The following GUCY1A2 variants were observed in gnomAD, a reference collection of about 807,000 sequenced individuals.
GUCY1A2 encodes the protein guanylate cyclase 1 soluble subunit alpha 2.
A neutral mutation model predicts 63.5 loss-of-function variants in GUCY1A2; 27 were observed. The observed-to-expected ratio is 0.43, with a 90% CI of 0.31 to 0.59. The LOEUF (loss-of-function observed/expected upper bound fraction) is 0.59. Ranked by LOEUF, GUCY1A2 falls within the 20% of genes least tolerant of loss-of-function variation. The pLI is 0.11. For synonymous variants in GUCY1A2, 364 were observed against 343.5 expected, an observed-to-expected ratio of 1.06 and a Z score of -0.66; for missense variants, 768 against 913.3, an observed-to-expected ratio of 0.84 and a Z score of 2.05.
chr11:106,776,300 C>G, intron 6 of GUCY1A2, 139 bp downstream of exon 6: 1 of 630,638 alleles, frequency 1.6e-6, no homozygotes, highest in Non-Finnish European at 2.8e-6. Flanking sequence ...TGAGTTATCT[C>G]TAGTCACTCC....
At chr11:106,841,050 C>T (rs537295652) in intron 4 of GUCY1A2, among the ~76,000 whole-genome samples, 2 of 151,834 alleles carry the variant, frequency 1.3e-5, no homozygotes, top group South Asian at 4.1e-4. Flanking sequence ...GGATAAAGGA[C>T]AATACCACAC....
At chr11:106,771,471 G>C (rs892974148) in intron 6 of GUCY1A2, among the ~76,000 whole-genome samples, 4 of 152,148 alleles carry the variant, frequency 2.6e-5, no homozygotes, top group Non-Finnish European at 2.9e-5. Flanking sequence ...ATTCAGTCCT[G>C]GCATGGTGGC....
At chr11:106,758,468 A>G (rs1864011169) in intron 6 of GUCY1A2, among the ~76,000 whole-genome samples, 1 of 152,176 alleles carries the variant, frequency 6.6e-6, no homozygotes, top group Non-Finnish European at 1.5e-5. Context: ...AAGCAACGCC[A>G]CACACTGCCC....
intron 3 of GUCY1A2, among the ~76,000 whole-genome samples, chr11:106,969,245 T>G (rs778930588): frequency 6.6e-6 from 1 of 152,136 alleles, no homozygotes; most frequent in Non-Finnish European, 1.5e-5. Flanking sequence ...TAAAATTGAC[T>G]GAAGAACCGA....
At chr11:106,987,406 T>C (rs918607372) in intron 1 of GUCY1A2, among the ~76,000 whole-genome samples, 6 of 152,184 alleles carry the variant, frequency 3.9e-5, no homozygotes, top group Non-Finnish European at 8.8e-5. Context: ...ATCCCAGCAC[T>C]TTGGGAGGCC....
intron 3 of GUCY1A2, among the ~76,000 whole-genome samples, chr11:106,949,754 C>G (rs187098656): frequency 6.6e-6 from 1 of 152,164 alleles, no homozygotes; most frequent in East Asian, 1.9e-4. Flanking sequence ...GGAAGGAAAC[C>G]ATTCCAGACT....
intron 3 of GUCY1A2, among the ~76,000 whole-genome samples, chr11:106,975,150 A>G (rs1861245600): frequency 1.3e-5 from 2 of 152,094 alleles, no homozygotes; most frequent in East Asian, 1.9e-4. Context: ...GACAAAGGAG[A>G]CTATGCAATT....
chr11:106,819,104 T>C (rs974091273), intron 4 of GUCY1A2, among the ~76,000 whole-genome samples: 17 of 152,064 alleles, frequency 1.1e-4, no homozygotes, highest in Admixed American at 2.6e-4. Context: ...AGCACTAGAA[T>C]TAGATGTTGA....
In GUCY1A2 at chr11:107,008,434, T is replaced by C. The variant is rs567542936; in HGVS notation, c.303+9319A>G. Among the ~76,000 whole-genome samples the C allele has an allele frequency of 2.0e-5, 3 of 152,302 alleles. No homozygotes were observed. The South Asian group carries it at 6.2e-4, about 32-fold the overall frequency. On this transcript the variant is annotated intron_variant, in intron 1 of 7. Coordinates refer to ENST00000526355, the MANE Select transcript of GUCY1A2 (RefSeq NM_000855.3). ...CTAAAAAATAATGTTATAACTATAT[T>C]CCCGTTTATGTCTGAGAAAAAGCTG...
intron 6 of GUCY1A2, among the ~76,000 whole-genome samples, chr11:106,770,216 C>T (rs1240706767): frequency 6.6e-6 from 1 of 152,022 alleles, no homozygotes; most frequent in Non-Finnish European, 1.5e-5. Context: ...GGACATCCTA[C>T]CACATTCTTT....
At chr11:106,937,073 A>AT (rs1860688988) in intron 4 of GUCY1A2, among the ~76,000 whole-genome samples, 1 of 152,192 alleles carries the variant, frequency 6.6e-6, no homozygotes. Context: ...ACTGTATGTG[A>AT]CAACTTTACT....
chr11:106,973,495 ACAAG>A (rs1269079031), intron 3 of GUCY1A2, among the ~76,000 whole-genome samples: 4 of 152,128 alleles, frequency 2.6e-5, no homozygotes, highest in Admixed American at 2.0e-4. Flanking sequence ...TTTGTCTCAT[ACAAG>A]CAAGTATCCC....
At chr11:106,805,101 C>T (rs901574915) in intron 5 of GUCY1A2, among the ~76,000 whole-genome samples, 3 of 152,130 alleles carry the variant, frequency 2.0e-5, no homozygotes, top group African/African-American at 4.8e-5. Flanking sequence ...TACCTGGTTG[C>T]CCTATCTTGT....
Position 106,978,605 on chromosome 11 carries a change from T to A in GUCY1A2, c.487+14A>T. On this transcript the variant is annotated intron_variant, in intron 3 of 7. Transcript: ENST00000526355. ...ATTCTCTCTCATCCATATAAATATA[T>A]ATAGTTAATATACCGAGTATATTAG... The A allele has an allele frequency of 6.9e-7, 1 of 1,438,990 alleles. No individual in the cohort carries two copies. The highest frequency in any genetic ancestry group is 1.2e-5 in the South Asian group (1 of 82,488). The allele number at this position is 1,438,990 out of a possible 1,614,324, so 89.1% of individuals were successfully genotyped here. A position where few individuals can be genotyped will look rare whatever the true frequency, so the allele number is the denominator to read the frequency against.
At chr11:106,861,993 T>C (rs1256272993) in intron 4 of GUCY1A2, among the ~76,000 whole-genome samples, 1 of 152,026 alleles carries the variant, frequency 6.6e-6, no homozygotes, top group Non-Finnish European at 1.5e-5. Context: ...TTAAACACTG[T>C]AGAGAAATCT....
chr11:106,853,791 T>C (rs1303361334), intron 4 of GUCY1A2, among the ~76,000 whole-genome samples: 1 of 152,224 alleles, frequency 6.6e-6, no homozygotes, highest in African/African-American at 2.4e-5. Flanking sequence ...GGACTGGCTT[T>C]AGTCGGGAAA....
intron 1 of GUCY1A2, among the ~76,000 whole-genome samples, chr11:107,010,654 A>G (rs1861730505): frequency 1.3e-5 from 2 of 152,204 alleles, no homozygotes; most frequent in South Asian, 2.1e-4. Flanking sequence ...ATACCACCAA[A>G]AAAAAATTAA....
At chr11:106,778,806 A>G (rs947698863) in intron 5 of GUCY1A2, among the ~76,000 whole-genome samples, 5 of 152,226 alleles carry the variant, frequency 3.3e-5, no homozygotes, top group Admixed American at 3.3e-4. Context: ...CATGCTAACC[A>G]TAATCACAAT....
intron 1 of GUCY1A2, among the ~76,000 whole-genome samples, chr11:107,001,894 C>G (rs1861616650): frequency 6.6e-6 from 1 of 151,948 alleles, no homozygotes; most frequent in Admixed American, 6.6e-5. Flanking sequence ...TGGCGGACAC[C>G]TGTAATCCCA....
Sources: gnomAD v4.1 joint callset for allele counts (sites outside exome capture counted in the v4.1 genomes callset) on GRCh38, gnomAD v4.1.1 for gene constraint, MANE v1.5 for transcripts, NCBI Gene and HGNC (gene_info 2026-07-23, HGNC 2026-07-21) for gene names.